Variants in PLEC observed in about 807,000 individuals in gnomAD.
PLEC encodes the protein hemidesmosomal protein 1.
Under a neutral mutation model 392.8 loss-of-function variants are expected in PLEC, and 216 were observed. The observed-to-expected ratio is 0.55, with a 90% CI of 0.49 to 0.62. The LOEUF (loss-of-function observed/expected upper bound fraction) is 0.62. Ranked by LOEUF, PLEC falls within the 20% of genes least tolerant of loss-of-function variation. The pLI is 0.00. For missense variants in PLEC, 6,863 were observed against 6,563.4 expected (o/e 1.05, Z -1.58); for synonymous variants, 3,621 against 2,980.6 (o/e 1.21, Z -7.00).
chr8:143,939,470 C>A lies in PLEC; in HGVS notation c.-9G>T. ...AGCTGGTGCTGAGACATGCTGCCCC[C>A]ACACCTTCGTCGCCCGGACCCTCGG... On this transcript the variant is annotated 5_prime_UTR_variant, in exon 1 of 32. Transcript: ENST00000345136. 6.2e-7 allele frequency: 1 copy of A among 1,608,746 alleles called. No individual in the cohort carries two copies. The highest frequency in any genetic ancestry group is 8.5e-7 in the Non-Finnish European group (1 of 1,178,512).
chr8:143,936,624 G>A (rs1476063243), intron 5 of PLEC, among the ~76,000 whole-genome samples: 1 of 152,246 alleles, frequency 6.6e-6, no homozygotes, highest in Non-Finnish European at 1.5e-5. Flanking sequence ...TCTCAGATTT[G>A]TGGTTTCCTG....
In PLEC at chr8:143,919,337, C is replaced by T. The variant is rs1554677925; in HGVS notation, c.10484G>A (p.Ser3495Asn). 2.5e-6 allele frequency: 4 copies of T among 1,613,962 alleles called. No individual in the cohort carries two copies. The highest frequency in any genetic ancestry group is 2.2e-5 in the East Asian group (1 of 44,882). Residue 3495 changes from serine to asparagine, a missense_variant, in exon 32 of 32, where the codon AGT (serine) becomes AAT (asparagine). By Grantham distance (46) the Ser-to-Asn change is conservative. Coordinates refer to ENST00000345136, the MANE Select transcript of PLEC (RefSeq NM_201384.3). Reference protein sequence around the residue: ...VDVAYQRGYFSEEMNRVLADP... With the variant: ...VDVAYQRGYFNEEMNRVLADP... ...CGCCAGGACGCGGTTCATCTCCTCA[C>T]TGAAGTAGCCGCGCTGGTAGGCCAC...
chr8:143,925,585 C>G lies in PLEC; in HGVS notation c.4344G>C (p.Leu1448=). ...CCACGCGGATCTCCTCCTCGATGCG[C>G]AGCCGGCTGCGCTCAGCCGCCTCTG... ...RQAEAAERSR[L]RIEEEIRVVR... is the part of the protein sequence containing the mutation. Residue 1448 remains leucine (L), a synonymous_variant, in exon 31 of 32, where the codon CTG becomes CTC. Transcript: ENST00000345136. The G allele has an allele frequency of 6.3e-7, 1 of 1,574,916 alleles. No individual in the cohort carries two copies. Among genetic ancestry groups the G allele is most frequent in the South Asian group, 1.1e-5 (1 of 88,346 alleles).
chr8:143,939,647 C>T (rs374217084), upstream of PLEC: 10 of 1,420,000 alleles, frequency 7.0e-6, no homozygotes, highest in African/African-American at 5.9e-5. Context: ...GAGGCCGGCC[C>T]GCCCCCGAGG....
At chr8:143,975,642 C>T (rs2133009333), upstream of PLEC, among the ~76,000 whole-genome samples, 1 of 151,894 alleles carries the variant, frequency 6.6e-6, no homozygotes, top group African/African-American at 2.4e-5. This position sits in a 1 kb window ranked among gnomAD's most constrained non-coding sequence, Gnocchi z 9.9. Context: ...CAGTGACCCC[C>T]CAGCCACTGG....
At position 143,973,207 on chromosome 8, in the gene PLEC, A is replaced by T. The variant is rs1833520899; in HGVS notation, c.70+196T>A. Among the ~76,000 whole-genome samples the T allele has an allele frequency of 7.1e-6, 1 of 141,104 alleles. No homozygotes were observed. Among genetic ancestry groups the T allele is most frequent in the African/African-American group, 2.5e-5 (1 of 39,270 alleles). The allele number at this position is 141,104 out of a possible 152,430, so 92.6% of individuals were successfully genotyped here. ...AGCCGCGCGATGCCCTATTAAGGGC[A>T]TGGCCTCGGGGGCTCAGCGGAGCGA... On this transcript the variant is annotated intron_variant, in intron 1 of 31. Transcript: ENST00000356346. This position sits in a 1 kb window ranked among gnomAD's most constrained non-coding sequence, Gnocchi z 5.6.
At position 143,921,459 on chromosome 8, in the gene PLEC, G is replaced by C. The variant is rs1822667010; in HGVS notation, c.8362C>G (p.Leu2788Val). The C allele has an allele frequency of 5.0e-6, 8 of 1,613,334 alleles. No homozygotes were observed. Among genetic ancestry groups the C allele is most frequent in the Non-Finnish European group, 5.9e-6 (7 of 1,179,844 alleles). The part of the protein sequence containing the change: ...KDPYTGQQIS[L>V]FQAMQKGLIV... ...AGGCCCTTCTGCATGGCTTGGAAGA[G>C]AGAGATCTGCTGGCCAGTGTAGGGG... The change falls in exon 32 of 32, where the codon CTC becomes GTC. Residue 2788 changes from leucine to valine, a missense_variant. Physicochemically the swap from Leu to Val is conservative, Grantham distance 32 (BLOSUM62 1). Transcript: ENST00000345136.
rs782733354 is a variant in PLEC, at chr8:143,932,002, T to G, written c.2113A>C (p.Ser705Arg). 1 of 1,606,192 alleles carries G rather than the reference T, an allele frequency of 6.2e-7. No individual in the cohort carries two copies. The change falls in exon 18 of 32, where the codon AGC (serine) becomes CGC (arginine). Residue 705 changes from serine (S) to arginine (R), a missense_variant. Coordinates refer to ENST00000345136, the MANE Select transcript of PLEC (RefSeq NM_201384.3). ...SFQAALQTQWSWMLQLCCCIE... is the reference protein window; with the variant it reads ...SFQAALQTQWRWMLQLCCCIE... ...CAGCAGCACAGCTGTAGCATCCAGC[T>G]CCACTGCGTCTGCAGGGCCGCCTGG...
At position 143,929,172 on chromosome 8, in the gene PLEC, C is replaced by A. The variant is rs571362398; in HGVS notation, c.3191G>T (p.Arg1064Leu). The A allele has an allele frequency of 3.8e-6, 6 of 1,595,604 alleles. No homozygotes were observed. The highest frequency in any genetic ancestry group is 5.1e-6 in the Non-Finnish European group (6 of 1,173,236). The change falls in exon 25 of 32, where the codon CGC (arginine) becomes CTC (leucine). Residue 1064 changes from arginine to leucine, a missense_variant. Arg to Leu is a moderately radical substitution (Grantham distance 102, BLOSUM62 -2). Coordinates refer to ENST00000345136, the MANE Select transcript of PLEC (RefSeq NM_201384.3). ...PEPSPAAPTLRSELELTLGKL... is the reference protein window; with the variant it reads ...PEPSPAAPTLLSELELTLGKL... ...GCCCAGCGTCAGCTCCAGCTCCGAGCGCAGCGTGGGGGCCGCAGGCGATGG... is the reference window on the plus strand; with the variant it reads ...GCCCAGCGTCAGCTCCAGCTCCGAGAGCAGCGTGGGGGCCGCAGGCGATGG...
chr8:143,934,712 G>C lies in PLEC; in HGVS notation c.964C>G (p.Leu322Val). ...EEIEILWSQF[L>V]KFKEMELPAK... Reference sequence around the variant, plus strand: ...GGTAGCTCCATCTCCTTAAACTTCAGGAACTGAGACCACAGGATCTGCCAG... The same window carrying C: ...GGTAGCTCCATCTCCTTAAACTTCACGAACTGAGACCACAGGATCTGCCAG... The change falls in exon 10 of 32, where the codon CTG (leucine) becomes GTG (valine). Residue 322 changes from leucine to valine, a missense_variant. Coordinates refer to ENST00000345136, the MANE Select transcript of PLEC (RefSeq NM_201384.3). 3 of 1,612,662 alleles carry C rather than the reference G, an allele frequency of 1.9e-6. No homozygotes were observed. The highest frequency in any genetic ancestry group is 2.5e-6 in the Non-Finnish European group (3 of 1,179,938).
intron 12 of PLEC, 22 bp from the exon 13 acceptor site, chr8:143,933,373 T>G (rs782502124): frequency 8.1e-6 from 13 of 1,605,878 alleles, no homozygotes; most frequent in African/African-American, 1.3e-5. Flanking sequence ...TTGCCATGAC[T>G]CGGAGCACAG....
At chr8:143,954,667 G>T (rs938136361), upstream of PLEC, among the ~76,000 whole-genome samples, 2 of 152,212 alleles carry the variant, frequency 1.3e-5, no homozygotes, top group Non-Finnish European at 2.9e-5. This position sits in a 1 kb window ranked among gnomAD's most constrained non-coding sequence, Gnocchi z 4.6. Context: ...GCGCACGCCT[G>T]GGGGAGCAGG....
At position 143,924,207 on chromosome 8, in the gene PLEC, G is replaced by C; in HGVS notation, c.5722C>G (p.Arg1908Gly). 6.3e-7 allele frequency: 1 copy of C among 1,598,884 alleles called. No homozygotes were observed. Among genetic ancestry groups the C allele is most frequent in the Non-Finnish European group, 8.5e-7 (1 of 1,179,516 alleles). Residue 1908 changes from arginine (R) to glycine (G), a missense_variant, in exon 31 of 32, where the codon CGG (arginine) becomes GGG (glycine). Arg to Gly is a moderately radical substitution (Grantham distance 125, BLOSUM62 -2). Transcript: ENST00000345136. ...LRKASDSELE[R>G]QKGLVEDTLR... is the part of the protein sequence containing the mutation. Reference sequence around the variant, plus strand: ...GTGTCCTCCACCAGCCCCTTCTGCCGCTCCAGCTCGCTGTCCGATGCCTTG... The same window carrying C: ...GTGTCCTCCACCAGCCCCTTCTGCCCCTCCAGCTCGCTGTCCGATGCCTTG...
intron 1 of PLEC, among the ~76,000 whole-genome samples, chr8:143,946,833 C>G (rs1045724680): frequency 1.6e-4 from 23 of 146,466 alleles, no homozygotes; most frequent in African/African-American, 5.8e-4. Context: ...GAGCCCCAAA[C>G]TGCCCACCAC....
upstream of PLEC, chr8:143,942,479 C>A: frequency 6.3e-7 from 1 of 1,596,140 alleles, no homozygotes. Context: ...AGCAAGACCT[C>A]CCTCGGCGAG....
In PLEC at chr8:143,919,572, C is replaced by G. The variant is rs781960648; in HGVS notation, c.10249G>C (p.Val3417Leu). Reference sequence around the variant, plus strand: ...TGCTCGTGAAGCTCGGGGCCCACCACGCCCGCCTTCACGGCCTCGTGGACA... The same window carrying G: ...TGCTCGTGAAGCTCGGGGCCCACCAGGCCCGCCTTCACGGCCTCGTGGACA... ...LYVHEAVKAG[V>L]VGPELHEQLL... Residue 3417 changes from valine to leucine, a missense_variant, in exon 32 of 32, where the codon GTG becomes CTG. Coordinates refer to ENST00000345136, the MANE Select transcript of PLEC (RefSeq NM_201384.3). 1 of 1,603,902 alleles carries G rather than the reference C, an allele frequency of 6.2e-7. No individual in the cohort carries two copies. Among genetic ancestry groups the G allele is most frequent in the African/African-American group, 1.3e-5 (1 of 74,778 alleles).
chr8:143,917,635 G>A lies in PLEC; in HGVS notation c.12186C>T (p.Pro4062=), dbSNP rs781897621. ...GGCCGCGCTTGTAGGCCACCTCCAC[G>A]GGCAGCCGGTGGCTCTCCTCAGGGT... ...IIDPEESHRL[P]VEVAYKRGLF... is the part of the protein sequence containing the mutation. The change falls in exon 32 of 32, where the codon CCC becomes CCT. Residue 4062 remains proline (P), a synonymous_variant. Transcript: ENST00000345136. 30 of 1,613,516 alleles carry A rather than the reference G, an allele frequency of 1.9e-5. No homozygotes were observed. Among genetic ancestry groups the A allele is most frequent in the East Asian group, 1.1e-4 (5 of 44,876 alleles).
At chr8:143,935,334 G>A in intron 6 of PLEC, 21 bp from the exon 7 acceptor site, 2 of 1,566,138 alleles carry the variant, frequency 1.3e-6, no homozygotes, top group Non-Finnish European at 1.7e-6. Flanking sequence ...CAGGTGGCTG[G>A]TCAGGTGGGT....
chr8:143,968,002 C>T (rs565120238), intron 1 of PLEC, among the ~76,000 whole-genome samples: 54 of 151,860 alleles, frequency 3.6e-4, no homozygotes, highest in Non-Finnish European at 6.8e-4. Context: ...GTGGCGCACA[C>T]ATGTAATCCC....
Sources: gnomAD v4.1 joint callset for allele counts (sites outside exome capture counted in the v4.1 genomes callset) on GRCh38, gnomAD v4.1.1 for gene constraint, Gnocchi (gnomAD v3.1) non-coding constraint, MANE v1.5 for transcripts, NCBI Gene and HGNC (gene_info 2026-07-23, HGNC 2026-07-21) for gene names.